PPP1R3B: variants seen among roughly 807,000 people sequenced by gnomAD.
PPP1R3B encodes PP1 subunit R4.
A neutral mutation model predicts 14.6 loss-of-function variants in PPP1R3B; 8 were observed. That is an observed-to-expected ratio of 0.55 (90% CI 0.32 to 0.99). The LOEUF is 0.99. PPP1R3B is among the 50% of genes least tolerant of loss of function. PPP1R3B has a pLI of 0.04. For synonymous variants in PPP1R3B, 169 were observed against 142.0 expected, an observed-to-expected ratio of 1.19 and a Z score of -1.35; for missense variants, 452 against 360.1, an observed-to-expected ratio of 1.26 and a Z score of -2.07.
At chr8:9,142,727 A>G (rs1036686543) in intron 1 of PPP1R3B, among the ~76,000 whole-genome samples, 2 of 152,040 alleles carry the variant, frequency 1.3e-5, no homozygotes, top group Non-Finnish European at 2.9e-5. Flanking sequence ...TATGAGTTTG[A>G]CTTTTTCAGA....
At chr8:9,144,288 A>T (rs918636530) in intron 1 of PPP1R3B, among the ~76,000 whole-genome samples, 1 of 151,840 alleles carries the variant, frequency 6.6e-6, no homozygotes, top group Non-Finnish European at 1.5e-5. Context: ...CCTGGGCTCA[A>T]GCGGTCCTCC....
In PPP1R3B at chr8:9,138,388, A is replaced by G. The variant is rs1026591742; in HGVS notation, c.*2406T>C. On this transcript the variant is annotated 3_prime_UTR_variant, in exon 2 of 2. Transcript: ENST00000310455. Reference sequence around the variant, plus strand: ...GGAGAGGTACAAAAAACAAAGCATTAGATTTCAGGCTAAGAACAGCCAGTT... The same window carrying G: ...GGAGAGGTACAAAAAACAAAGCATTGGATTTCAGGCTAAGAACAGCCAGTT... 4 of 152,258 alleles carry G rather than the reference A, an allele frequency of 2.6e-5. No individual in the cohort carries two copies. The highest frequency in any genetic ancestry group is 9.7e-5 in the African/African-American group (4 of 41,450). The allele number at this position is 152,258 out of a possible 1,614,324, so 9.4% of individuals were successfully genotyped here. A position where few individuals can be genotyped will look rare whatever the true frequency, so the allele number is the denominator to read the frequency against.
At chr8:9,145,082 T>G (rs886335182) in intron 1 of PPP1R3B, among the ~76,000 whole-genome samples, 3 of 152,048 alleles carry the variant, frequency 2.0e-5, no homozygotes, top group Admixed American at 6.5e-5. Flanking sequence ...TTAAAGCCAT[T>G]ATTTTAAAAA....
At chr8:9,149,626 T>C (rs1250684862) in intron 1 of PPP1R3B, among the ~76,000 whole-genome samples, 1 of 152,228 alleles carries the variant, frequency 6.6e-6, no homozygotes, top group Non-Finnish European at 1.5e-5. Flanking sequence ...TTTTCATTTT[T>C]AAAGACATGG....
chr8:9,149,739 G>A (rs547370655), intron 1 of PPP1R3B, among the ~76,000 whole-genome samples: 26 of 152,300 alleles, frequency 1.7e-4, no homozygotes, highest in Non-Finnish European at 2.8e-4. Context: ...AGACCATGGG[G>A]GCCTATTCAC....
In PPP1R3B at chr8:9,137,362, G is replaced by C. The variant is rs1208264360; in HGVS notation, c.*3432C>G. ...TCCCTATTGCCGGACAACTGCACCT[G>C]TGACAGGTGGCTGGTCTTTCTGGGG... On this transcript the variant is annotated 3_prime_UTR_variant, in exon 2 of 2. Transcript: ENST00000310455. 4.6e-5 allele frequency: 7 copies of C among 152,212 alleles called. No individual in the cohort carries two copies. The highest frequency in any genetic ancestry group is 1.7e-4 in the African/African-American group (7 of 41,460). The allele number at this position is 152,212 out of a possible 1,614,324, so 9.4% of individuals were successfully genotyped here.
Position 9,141,655 on chromosome 8 carries a change from G to C in PPP1R3B, c.-4C>G, listed in dbSNP as rs747593351. Reference sequence around the variant, plus strand: ...ACTCGATGTCCACAGCCATCATGGGGCTAGATGAACAGGCTAGAACCGTGG... The same window carrying C: ...ACTCGATGTCCACAGCCATCATGGGCCTAGATGAACAGGCTAGAACCGTGG... On this transcript the variant is annotated 5_prime_UTR_variant, in exon 2 of 2. Transcript: ENST00000310455. The C allele has an allele frequency of 1.2e-6, 2 of 1,612,742 alleles. No homozygotes were observed. Among genetic ancestry groups the C allele is most frequent in the African/African-American group, 1.3e-5 (1 of 74,898 alleles).
At chr8:9,144,549 A>AT (rs984597879) in intron 1 of PPP1R3B, among the ~76,000 whole-genome samples, 2 of 152,106 alleles carry the variant, frequency 1.3e-5, no homozygotes, top group Admixed American at 1.3e-4. Context: ...TTTTTTAATC[A>AT]TTTTTTATCC....
chr8:9,136,688 T>C lies in PPP1R3B; in HGVS notation c.*4106A>G, dbSNP rs1435654607. 6.6e-6 allele frequency: 1 copy of C among 152,220 alleles called. No homozygotes were observed. Among genetic ancestry groups the C allele is most frequent in the African/African-American group, 2.4e-5 (1 of 41,456 alleles). 9.4% of individuals were successfully genotyped at this position (152,220 alleles called of 1,614,324 possible). On this transcript the variant is annotated 3_prime_UTR_variant, in exon 2 of 2. Coordinates refer to ENST00000310455, the MANE Select transcript of PPP1R3B (RefSeq NM_024607.4). ...CAGGAAATTAAGATAAGCTGCCAAATTGTCTTTGTGTGACCCTATAAGATC... is the reference window on the plus strand; with the variant it reads ...CAGGAAATTAAGATAAGCTGCCAAACTGTCTTTGTGTGACCCTATAAGATC...
At chr8:9,149,608 G>A (rs569258159) in intron 1 of PPP1R3B, among the ~76,000 whole-genome samples, 4 of 152,194 alleles carry the variant, frequency 2.6e-5, no homozygotes, top group African/African-American at 4.8e-5. Context: ...TTCACAACCA[G>A]GTTATAATTT....
At position 9,141,096 on chromosome 8, in the gene PPP1R3B, C is replaced by A. The variant is rs140471280; in HGVS notation, c.556G>T (p.Gly186Cys). The A allele has an allele frequency of 1.2e-6, 2 of 1,614,146 alleles. No homozygotes were observed. The highest frequency in any genetic ancestry group is 3.3e-5 in the Admixed American group (2 of 60,010). Residue 186 changes from glycine to cysteine, a missense_variant, in exon 2 of 2, where the codon GGT (glycine) becomes TGT (cysteine). Coordinates refer to ENST00000310455, the MANE Select transcript of PPP1R3B (RefSeq NM_024607.4). ...PCQYVKDTYAGSDRDTFSFDI... is the reference protein window; with the variant it reads ...PCQYVKDTYACSDRDTFSFDI... ...AAGGAGAACGTGTCCCTGTCTGAAC[C>A]GGCATAAGTGTCCTTCACGTACTGA...
In PPP1R3B at chr8:9,140,526, C is replaced by CA. The variant is rs1801038107; in HGVS notation, c.*267dup. 2.0e-6 allele frequency: 1 copy of CA among 508,410 alleles called. No individual in the cohort carries two copies. The highest frequency in any genetic ancestry group is 3.2e-5 in the Admixed American group (1 of 31,166). 31.5% of individuals were successfully genotyped at this position (508,410 alleles called of 1,614,324 possible). ...GCTTGATTCCCATCCATACCCTTTC[C>CA]AGCACAGACGTGCACAGACTCTCGT... On this transcript the variant is annotated 3_prime_UTR_variant, in exon 2 of 2. Transcript: ENST00000310455.
intron 1 of PPP1R3B, among the ~76,000 whole-genome samples, chr8:9,146,764 A>C (rs2117616218): frequency 6.6e-6 from 1 of 152,274 alleles, no homozygotes; most frequent in South Asian, 2.1e-4. Flanking sequence ...ATCTGTTCTT[A>C]TAGCCACGTA....
chr8:9,140,433 G>A lies in PPP1R3B; in HGVS notation c.*361C>T. 3.8e-6 allele frequency: 1 copy of A among 263,382 alleles called. No homozygotes were observed. Among genetic ancestry groups the A allele is most frequent in the East Asian group, 7.7e-5 (1 of 12,928 alleles). 16.3% of individuals were successfully genotyped at this position (263,382 alleles called of 1,614,324 possible). ...TGGCTGGGGCTGAGTGGCTTTTGGC[G>A]ACTGATGTCCCACATCTGAGTGGAG... On this transcript the variant is annotated 3_prime_UTR_variant, in exon 2 of 2. Coordinates refer to ENST00000310455, the MANE Select transcript of PPP1R3B (RefSeq NM_024607.4).
rs886917394 is a variant in PPP1R3B at position 9,137,258 on chromosome 8, A to G, written c.*3536T>C. 1.3e-5 allele frequency: 2 copies of G among 152,214 alleles called. No homozygotes were observed. Among genetic ancestry groups the G allele is most frequent in the African/African-American group, 2.4e-5 (1 of 41,454 alleles). 9.4% of individuals were successfully genotyped at this position (152,214 alleles called of 1,614,324 possible). ...TTTATTAAATATCTTTGTATAATCC[A>G]GCTTATTTATTGTACCCAGTTTGCA... On this transcript the variant is annotated 3_prime_UTR_variant, in exon 2 of 2. Transcript: ENST00000310455.
chr8:9,141,781 A>G (rs1442915580), intron 1 of PPP1R3B, 113 bp from the exon 2 acceptor site: 18 of 935,318 alleles, frequency 1.9e-5, no homozygotes, highest in Non-Finnish European at 2.3e-5. Flanking sequence ...CCTTTTATCT[A>G]TGCCCACCTG....
Position 9,139,401 on chromosome 8 carries a change from C to T in PPP1R3B, c.*1393G>A, listed in dbSNP as rs1342708066. On this transcript the variant is annotated 3_prime_UTR_variant, in exon 2 of 2. Transcript: ENST00000310455. ...AATAAGAACACCCAAGTCCATGTCC[C>T]TGGGTGCTGGTAAAGTGTTCTAGAT... 1 of 152,212 alleles carries T rather than the reference C, an allele frequency of 6.6e-6. No homozygotes were observed. The highest frequency in any genetic ancestry group is 6.5e-5 in the Admixed American group (1 of 15,286). The allele number at this position is 152,212 out of a possible 1,614,324, so 9.4% of individuals were successfully genotyped here. A position where few individuals can be genotyped will look rare whatever the true frequency, so the allele number is the denominator to read the frequency against.
chr8:9,146,617 T>A (rs1801249238), intron 1 of PPP1R3B, among the ~76,000 whole-genome samples: 1 of 152,186 alleles, frequency 6.6e-6, no homozygotes, highest in Non-Finnish European at 1.5e-5. Flanking sequence ...ATACACATAT[T>A]CGGAAACAAA....
At chr8:9,141,765 A>G (rs545403008) in intron 1 of PPP1R3B, 97 bp from the exon 2 acceptor site, 8 of 1,209,360 alleles carry the variant, frequency 6.6e-6, no homozygotes, top group Non-Finnish European at 9.0e-6. Context: ...CTGGCAAACA[A>G]TATTTCCTTT....
Sources: allele counts gnomAD v4.1 joint callset (sites outside exome capture counted in the v4.1 genomes callset), GRCh38; gene constraint gnomAD v4.1.1; transcripts MANE v1.5; gene names NCBI Gene and HGNC (gene_info 2026-07-23, HGNC 2026-07-21).